The following CEP112 variants were observed in gnomAD, a reference collection of about 807,000 sequenced individuals.
CEP112 encodes centrosomal protein of 112 kDa.
A neutral mutation model predicts 153.0 loss-of-function variants in CEP112; 127 were observed. That is an observed-to-expected ratio of 0.83 (90% confidence interval 0.72 to 0.96). CEP112 has a LOEUF of 0.96. Ranked by LOEUF, CEP112 falls within the 40% of genes least tolerant of loss-of-function variation. CEP112 has a pLI of 0.00. For missense variants in CEP112, 1,089 were observed against 1,101.2 expected (o/e 0.99, Z 0.16); for synonymous variants, 358 against 374.4 (o/e 0.96, Z 0.51).
chr17:66,015,671 C>A (rs967785499), intron 16 of CEP112, among the ~76,000 whole-genome samples: 9 of 152,184 alleles, frequency 5.9e-5, no homozygotes, highest in African/African-American at 1.9e-4. Context: ...TTGCTTTCCC[C>A]TCCCCCTGGG....
At chr17:65,793,970 A>T (rs1280576884) in intron 21 of CEP112, among the ~76,000 whole-genome samples, 1 of 152,224 alleles carries the variant, frequency 6.6e-6, no homozygotes, top group East Asian at 1.9e-4. Context: ...TCCTGATGAA[A>T]CAAAAAGAAT....
At chr17:66,155,237 A>G (rs1598454102) in intron 4 of CEP112, among the ~76,000 whole-genome samples, 1 of 152,150 alleles carries the variant, frequency 6.6e-6, no homozygotes, top group Non-Finnish European at 1.5e-5. Flanking sequence ...CAGCCCACAG[A>G]GGGCGAGCCG....
intron 18 of CEP112, among the ~76,000 whole-genome samples, chr17:65,938,414 T>TAA (rs1555722412): frequency 7.6e-5 from 4 of 52,900 alleles, no homozygotes; most frequent in Non-Finnish European, 1.2e-4. Context: ...GAATGATCAA[T>TAA]AAAAAAAAAA....
chr17:65,685,092 C>T (rs1379080601), intron 24 of CEP112, among the ~76,000 whole-genome samples: 6 of 151,988 alleles, frequency 3.9e-5, no homozygotes. Context: ...GAAAGTTAAC[C>T]CTTTGTGCCC....
At chr17:65,704,487 A>G (rs1753730144) in intron 23 of CEP112, among the ~76,000 whole-genome samples, 1 of 151,818 alleles carries the variant, frequency 6.6e-6, no homozygotes, top group Admixed American at 6.6e-5. Context: ...GTCCTACTAG[A>G]CCTCATTTTA....
chr17:65,820,662 G>A (rs2056484622), intron 21 of CEP112, among the ~76,000 whole-genome samples: 1 of 151,906 alleles, frequency 6.6e-6, no homozygotes, highest in African/African-American at 2.4e-5. Context: ...CTTATTCTCA[G>A]GAAGTCTCTA....
At chr17:65,700,705 A>G (rs2048589435) in intron 23 of CEP112, among the ~76,000 whole-genome samples, 1 of 152,182 alleles carries the variant, frequency 6.6e-6, no homozygotes, top group Non-Finnish European at 1.5e-5. Context: ...GAACCACAAA[A>G]GGGCCTAAGA....
chr17:65,750,062 T>C (rs758195302), intron 22 of CEP112, among the ~76,000 whole-genome samples: 11 of 152,168 alleles, frequency 7.2e-5, no homozygotes, highest in Non-Finnish European at 7.3e-5. Flanking sequence ...GCTGAAAAAG[T>C]ACTCTGAGCA....
chr17:66,178,740 A>G (rs1436800023), intron 2 of CEP112, among the ~76,000 whole-genome samples: 9 of 152,098 alleles, frequency 5.9e-5, no homozygotes. Flanking sequence ...ATGGTGGGAG[A>G]CAAGGGTCTA....
intron 8 of CEP112, among the ~76,000 whole-genome samples, chr17:66,086,096 T>C (rs181329838): frequency 6.6e-6 from 1 of 151,272 alleles, no homozygotes; most frequent in African/African-American, 2.4e-5. Flanking sequence ...TTTTCAGCAA[T>C]AATTATCTCT....
At chr17:65,764,947 G>T (rs991094297) in intron 21 of CEP112, among the ~76,000 whole-genome samples, 10 of 135,364 alleles carry the variant, frequency 7.4e-5, no homozygotes, top group African/African-American at 2.4e-4. Flanking sequence ...TTGCTTTGTG[G>T]TTACCACAAG....
intron 23 of CEP112, among the ~76,000 whole-genome samples, chr17:65,707,428 C>G (rs757842609): frequency 6.6e-6 from 1 of 152,176 alleles, no homozygotes; most frequent in Non-Finnish European, 1.5e-5. Flanking sequence ...ACATTCTACA[C>G]GTCAGGTCTG....
intron 6 of CEP112, among the ~76,000 whole-genome samples, chr17:66,119,986 T>C (rs1346850155): frequency 6.6e-6 from 1 of 152,208 alleles, no homozygotes; most frequent in Non-Finnish European, 1.5e-5. Flanking sequence ...GTTGTTTTCT[T>C]ATTGTTGAGG....
chr17:66,139,346 G>A (rs2070582418), intron 4 of CEP112, among the ~76,000 whole-genome samples: 1 of 152,210 alleles, frequency 6.6e-6, no homozygotes, highest in East Asian at 1.9e-4. Context: ...GCTCATGCCT[G>A]TAATCCCAAC....
chr17:65,812,407 C>T (rs970255502), intron 21 of CEP112, among the ~76,000 whole-genome samples: 1 of 152,120 alleles, frequency 6.6e-6, no homozygotes, highest in Non-Finnish European at 1.5e-5. Context: ...ATGGCCTTTT[C>T]CTCCTTGTAG....
At chr17:66,044,578 T>C (rs963964606) in intron 12 of CEP112, among the ~76,000 whole-genome samples, 2 of 152,148 alleles carry the variant, frequency 1.3e-5, no homozygotes, top group African/African-American at 2.4e-5. Flanking sequence ...GAATGGACCA[T>C]AATGACATTA....
At chr17:66,077,855 G>T (rs902898589) in intron 8 of CEP112, among the ~76,000 whole-genome samples, 20 of 152,192 alleles carry the variant, frequency 1.3e-4, no homozygotes, top group Admixed American at 1.3e-3. Flanking sequence ...CCTGCTGACT[G>T]TTCCTTTTAC....
chr17:66,163,578 A>T (rs1181139944), intron 4 of CEP112, among the ~76,000 whole-genome samples: 1 of 152,084 alleles, frequency 6.6e-6, no homozygotes, highest in Non-Finnish European at 1.5e-5. Context: ...AGAAAACTAA[A>T]TGAAAAAAAA....
chr17:65,895,657 G>C lies in CEP112; in HGVS notation c.2163+6495C>G, dbSNP rs1300998134. Among the ~76,000 whole-genome samples the C allele has an allele frequency of 2.0e-5, 3 of 152,058 alleles. No individual in the cohort carries two copies. The East Asian group carries it at 5.8e-4, about 29-fold the overall frequency. On this transcript the variant is annotated intron_variant, in intron 20 of 26. Coordinates refer to ENST00000535342, the MANE Select transcript of CEP112 (RefSeq NM_001199165.4). ...TAAAATCTTTCTTGGAGGAAACTATGATAGAAAGAGCACTAAATTCAGATT... is the reference window on the plus strand; with the variant it reads ...TAAAATCTTTCTTGGAGGAAACTATCATAGAAAGAGCACTAAATTCAGATT...
Sources: allele counts gnomAD v4.1 joint callset (sites outside exome capture counted in the v4.1 genomes callset), GRCh38; gene constraint gnomAD v4.1.1; transcripts MANE v1.5; gene names NCBI Gene and HGNC (gene_info 2026-07-23, HGNC 2026-07-21).